The following XIRP2 variants were observed in gnomAD, a reference collection of about 807,000 sequenced individuals.
The protein encoded by XIRP2 is xin actin binding repeat containing 2.
A neutral mutation model predicts 277.0 loss-of-function variants in XIRP2; 236 were observed. The ratio of observed to expected loss-of-function variants is 0.85; its 90% CI spans 0.77 to 0.95. The LOEUF (loss-of-function observed/expected upper bound fraction) is 0.95, where lower values mean the gene tolerates loss of function less well. Ranked by LOEUF, XIRP2 falls within the 40% of genes least tolerant of loss-of-function variation. XIRP2 has a pLI of 0.00. For synonymous variants in XIRP2, 1,490 were observed against 1,416.5 expected (o/e 1.05, Z -1.17); for missense variants, 4,640 against 4,157.5 (o/e 1.12, Z -3.19).
rs144809287 is a variant in XIRP2, at chr2:166,998,158, A to G, written c.408+94268A>G. ...TTTGCATTGATTCCATGTCTTTGCTATTGTGAATAGTGCTGCAATGAACAT... is the reference window on the plus strand; with the variant it reads ...TTTGCATTGATTCCATGTCTTTGCTGTTGTGAATAGTGCTGCAATGAACAT... On this transcript the variant is annotated intron_variant, in intron 2 of 10. Transcript: ENST00000409195. 3.9e-5 allele frequency among the ~76,000 whole-genome samples: 6 copies of G among 152,314 alleles called. No individual in the cohort carries two copies. In the East Asian group the frequency reaches 1.2e-3, roughly 29 times the overall value.
At chr2:167,239,611 T>C (rs1353634999) in intron 5 of XIRP2, among the ~76,000 whole-genome samples, 3 of 152,188 alleles carry the variant, frequency 2.0e-5, no homozygotes, top group African/African-American at 7.2e-5. Flanking sequence ...GAATGCATGC[T>C]ATCTGATACC....
intron 1 of XIRP2, among the ~76,000 whole-genome samples, chr2:166,900,554 T>G (rs1178018368): frequency 6.6e-6 from 1 of 152,106 alleles, no homozygotes; most frequent in Non-Finnish European, 1.5e-5. Context: ...AAGTGTATCT[T>G]GGACATTTTG....
In XIRP2 at chr2:166,928,625, TTTAATTTCTTATC is replaced by T. The variant is rs569062018; in HGVS notation, c.408+24751_408+24763del. ...ATTGCTTTTTAGTTTATAGCATAGT[TTTAATTTCTTATC>T]TTAATTTCTTATCTTTTGTGATTTA... On this transcript the variant is annotated intron_variant, in intron 2 of 10. Transcript: ENST00000409195. Among the ~76,000 whole-genome samples the T allele has an allele frequency of 7.2e-5, 11 of 152,286 alleles. No individual in the cohort carries two copies. In the South Asian group the frequency reaches 2.1e-3, roughly 29 times the overall value.
Position 167,244,862 on chromosome 2 carries a change from T to C in XIRP2, c.3470T>C (p.Ile1157Thr). ...TTGCAAACTGTAAAACAGGAGGAGA[T>C]CCAAGGTGGGGATGTTCGTACAGCA... ...VKLQTVKQEE[I>T]QGGDVRTACF... The change falls in exon 9 of 11, where the codon ATC becomes ACC. Residue 1157 changes from isoleucine to threonine, a missense_variant. Transcript: ENST00000409195. 1 of 1,613,694 alleles carries C rather than the reference T, an allele frequency of 6.2e-7. No individual in the cohort carries two copies. Among genetic ancestry groups the C allele is most frequent in the Non-Finnish European group, 8.5e-7 (1 of 1,179,756 alleles).
intron 2 of XIRP2, among the ~76,000 whole-genome samples, chr2:166,963,170 T>C (rs1036900513): frequency 6.6e-6 from 1 of 151,738 alleles, no homozygotes; most frequent in South Asian, 2.1e-4. Context: ...TTATAAATTC[T>C]AAAAAATAAA....
At chr2:167,225,256 G>A (rs1332906264) in intron 5 of XIRP2, among the ~76,000 whole-genome samples, 1 of 152,202 alleles carries the variant, frequency 6.6e-6, no homozygotes, top group Non-Finnish European at 1.5e-5. Flanking sequence ...ATTGAATTAG[G>A]TAGGAGAGGA....
chr2:167,178,648 T>C (rs993480067), intron 3 of XIRP2, among the ~76,000 whole-genome samples: 3 of 152,172 alleles, frequency 2.0e-5, no homozygotes, highest in Non-Finnish European at 2.9e-5. Flanking sequence ...AGTTTTTTAC[T>C]TCACTTTTTT....
Position 167,239,915 on chromosome 2 carries a change from G to A in XIRP2, c.919G>A (p.Glu307Lys). Residue 307 changes from glutamate to lysine, a missense_variant, in exon 6 of 11, where the codon GAA becomes AAA. Physicochemically the swap from Glu to Lys is moderately conservative, Grantham distance 56. Coordinates refer to ENST00000409195, the MANE Select transcript of XIRP2 (RefSeq NM_152381.6). ...SRSSQEMARNEQEGSKVQKID... is the reference protein window; with the variant it reads ...SRSSQEMARNKQEGSKVQKID... The stretch of plus-strand genomic sequence containing the variant: ...AAGCAGCCAGGAAATGGCAAGAAAT[G>A]AACAAGAAGGGTCCAAAGTACAGAA... The A allele has an allele frequency of 6.2e-7, 1 of 1,607,396 alleles. No individual in the cohort carries two copies. Among genetic ancestry groups the A allele is most frequent in the Non-Finnish European group, 8.5e-7 (1 of 1,178,116 alleles).
chr2:167,163,615 A>G (rs1443281082), intron 3 of XIRP2, among the ~76,000 whole-genome samples: 1 of 152,160 alleles, frequency 6.6e-6, no homozygotes, highest in Non-Finnish European at 1.5e-5. Context: ...AGATTTGCCC[A>G]TTTATTTTTA....
intron 2 of XIRP2, among the ~76,000 whole-genome samples, chr2:166,913,182 G>C (rs917020748): frequency 6.6e-6 from 1 of 152,208 alleles, no homozygotes; most frequent in African/African-American, 2.4e-5. Flanking sequence ...CTTTTGTTCA[G>C]CTATGCTTTG....
chr2:167,103,820 A>T (rs558247582), intron 2 of XIRP2, among the ~76,000 whole-genome samples: 133 of 152,230 alleles, frequency 8.7e-4, no homozygotes, highest in Non-Finnish European at 1.6e-3. Flanking sequence ...TACAGAAAAA[A>T]AAAAGTAAAA....
intron 3 of XIRP2, among the ~76,000 whole-genome samples, chr2:167,200,201 T>G (rs972851868): frequency 6.6e-6 from 1 of 152,170 alleles, no homozygotes; most frequent in Non-Finnish European, 1.5e-5. Flanking sequence ...GAATGAATCA[T>G]CAATGAAGGA....
At chr2:167,225,293 A>T (rs1183857018) in intron 5 of XIRP2, among the ~76,000 whole-genome samples, 1 of 152,170 alleles carries the variant, frequency 6.6e-6, no homozygotes, top group Non-Finnish European at 1.5e-5. Flanking sequence ...AAAAGAAGAG[A>T]AAAAGAGGAA....
intron 2 of XIRP2, among the ~76,000 whole-genome samples, chr2:167,063,115 A>G (rs949578484): frequency 3.3e-5 from 5 of 151,864 alleles, no homozygotes; most frequent in African/African-American, 1.2e-4. Flanking sequence ...TTTAGCTACA[A>G]TCTTAAACTA....
At chr2:167,054,019 A>T (rs1177719904) in intron 2 of XIRP2, among the ~76,000 whole-genome samples, 3 of 152,196 alleles carry the variant, frequency 2.0e-5, no homozygotes, top group Non-Finnish European at 2.9e-5. Context: ...TTCTAAACAC[A>T]TTAGGAAATT....
chr2:166,896,946 A>C (rs1276001362), intron 1 of XIRP2, among the ~76,000 whole-genome samples: 2 of 152,188 alleles, frequency 1.3e-5, no homozygotes, highest in African/African-American at 4.8e-5. Context: ...TCAGTACAAT[A>C]ACATGCTGTA....
Position 167,212,523 on chromosome 2 carries a change from AGGG to A in XIRP2, c.723+1629_723+1631del, listed in dbSNP as rs200879310. ...TATTTAATACAAAATCAAAAACTTTAGGGCTAATCTCAAAATGTCTACATATAA... is the reference window on the plus strand; with the variant it reads ...TATTTAATACAAAATCAAAAACTTTACTAATCTCAAAATGTCTACATATAA... On this transcript the variant is annotated intron_variant, in intron 4 of 10. Transcript: ENST00000409195. Among the ~76,000 whole-genome samples, 494 of 152,338 alleles carry A rather than the reference AGGG, an allele frequency of 3.2e-3. 20 individuals carry two copies. In the East Asian group the frequency reaches 0.067, roughly 21 times the overall value.
At chr2:166,910,649 T>C (rs906292794) in intron 2 of XIRP2, among the ~76,000 whole-genome samples, 1 of 152,198 alleles carries the variant, frequency 6.6e-6, no homozygotes, top group Non-Finnish European at 1.5e-5. Context: ...TCTTGCCTTC[T>C]GCTAGCTTTT....
intron 2 of XIRP2, among the ~76,000 whole-genome samples, chr2:166,921,518 C>A (rs1320936938): frequency 1.3e-5 from 2 of 152,004 alleles, no homozygotes; most frequent in Non-Finnish European, 2.9e-5. Context: ...TTAAAAATAC[C>A]CCTTTCATTC....
Sources: allele counts gnomAD v4.1 joint callset (sites outside exome capture counted in the v4.1 genomes callset), GRCh38; gene constraint gnomAD v4.1.1; transcripts MANE v1.5; gene names NCBI Gene and HGNC (gene_info 2026-07-23, HGNC 2026-07-21).